The following CRYBB2 variants were observed in gnomAD, a reference collection of about 807,000 sequenced individuals.
CRYBB2 encodes beta-crystallin B2.
Under a neutral mutation model 24.3 loss-of-function variants are expected in CRYBB2, and 12 were observed. That is an observed-to-expected ratio of 0.49 (90% CI 0.32 to 0.80). The LOEUF is 0.80. CRYBB2 is among the 30% of genes least tolerant of loss of function. The probability of loss-of-function intolerance (pLI) is 0.04; values close to 1 mark genes in which losing one functional copy is unlikely to be tolerated. For synonymous variants in CRYBB2, 98 were observed against 101.6 expected, an observed-to-expected ratio of 0.96 and a Z score of 0.21; for missense variants, 198 against 268.5, an observed-to-expected ratio of 0.74 and a Z score of 1.83.
At chr22:25,215,293 A>G (rs942763499), upstream of CRYBB2, among the ~76,000 whole-genome samples, 5 of 152,272 alleles carry the variant, frequency 3.3e-5, no homozygotes, top group African/African-American at 1.2e-4. Flanking sequence ...ACCACAAACA[A>G]TAACATGAGC....
At chr22:25,215,238 C>A (rs1233873296), upstream of CRYBB2, among the ~76,000 whole-genome samples, 16 of 152,258 alleles carry the variant, frequency 1.1e-4, no homozygotes, top group Non-Finnish European at 5.9e-5. Context: ...GGGCAAGGAA[C>A]ACCTGGCCCG....
upstream of CRYBB2, among the ~76,000 whole-genome samples, chr22:25,219,135 G>C (rs2146085519): frequency 6.6e-6 from 1 of 152,298 alleles, no homozygotes; most frequent in South Asian, 2.1e-4. Flanking sequence ...CCTCCCAGGA[G>C]CTTTTCTGAA....
upstream of CRYBB2, among the ~76,000 whole-genome samples, chr22:25,211,683 G>A (rs1196359112): frequency 1.3e-5 from 2 of 152,160 alleles, no homozygotes; most frequent in African/African-American, 4.8e-5. Context: ...CAAATTGCTA[G>A]GATTACAGGC....
Position 25,231,776 on chromosome 22 carries a change from C to A in CRYBB2, c.*4C>A. On this transcript the variant is annotated 3_prime_UTR_variant, in exon 6 of 6. Transcript: ENST00000398215. ...TGCCTTCCACCCCTCCAACTAGTGCCCTCCCCACCATGCCTCCTTCCCAGG... is the reference window on the plus strand; with the variant it reads ...TGCCTTCCACCCCTCCAACTAGTGCACTCCCCACCATGCCTCCTTCCCAGG... 1 of 1,613,936 alleles carries A rather than the reference C, an allele frequency of 6.2e-7. No homozygotes were observed. Among genetic ancestry groups the A allele is most frequent in the Non-Finnish European group, 8.5e-7 (1 of 1,179,830 alleles).
chr22:25,213,215 T>A (rs947275154), intron 1 of CRYBB2: 11 of 152,214 alleles, frequency 7.2e-5, no homozygotes, highest in African/African-American at 2.7e-4. Flanking sequence ...TTGTTTCTGA[T>A]AGCTATGAGA....
chr22:25,230,753 G>A (rs1172351417), intron 5 of CRYBB2, among the ~76,000 whole-genome samples: 1 of 149,634 alleles, frequency 6.7e-6, no homozygotes, highest in Non-Finnish European at 1.5e-5. Flanking sequence ...GGTGCCCAGG[G>A]TGAAGGAGAT....
chr22:25,224,262 C>A (rs991319088), intron 2 of CRYBB2, among the ~76,000 whole-genome samples: 5 of 152,092 alleles, frequency 3.3e-5, no homozygotes, highest in Non-Finnish European at 1.5e-5. Flanking sequence ...CCCATGAGCC[C>A]CCTCCCTTGG....
At chr22:25,221,167 C>G (rs1353692392) in intron 1 of CRYBB2, among the ~76,000 whole-genome samples, 1 of 152,314 alleles carries the variant, frequency 6.6e-6, no homozygotes, top group Admixed American at 6.5e-5. Context: ...TATTACTGCT[C>G]TCTTTCTTTG....
chr22:25,230,159 T>A, intron 5 of CRYBB2, among the ~76,000 whole-genome samples: 1 of 151,698 alleles, frequency 6.6e-6, no homozygotes, highest in African/African-American at 2.4e-5. Flanking sequence ...AAGAACTTTT[T>A]TTTTTTTTTT....
At chr22:25,224,262 C>T (rs991319088) in intron 2 of CRYBB2, among the ~76,000 whole-genome samples, 1 of 152,092 alleles carries the variant, frequency 6.6e-6, no homozygotes, top group African/African-American at 2.4e-5. Flanking sequence ...CCCATGAGCC[C>T]CCTCCCTTGG....
chr22:25,221,610 C>G (rs989150407), intron 2 of CRYBB2, 127 bp downstream of exon 2: 1 of 700,636 alleles, frequency 1.4e-6, no homozygotes, highest in Non-Finnish European at 2.6e-6. Context: ...CTCTGGGACT[C>G]AGTCTCCTCT....
intron 3 of CRYBB2, among the ~76,000 whole-genome samples, chr22:25,227,046 G>A (rs2146091627): frequency 6.6e-6 from 1 of 152,250 alleles, no homozygotes; most frequent in East Asian, 1.9e-4. Flanking sequence ...TTCCAAAAGA[G>A]GACAATAAAC....
intron 5 of CRYBB2, 92 bp downstream of exon 5, chr22:25,229,670 T>C: frequency 4.5e-6 from 7 of 1,561,500 alleles, no homozygotes; most frequent in Non-Finnish European, 6.1e-6. Context: ...GCTGGTGATC[T>C]TGCACACATC....
At position 25,231,759 on chromosome 22, in the gene CRYBB2, A is replaced by G; in HGVS notation, c.605A>G (p.His202Arg). 1 of 1,613,630 alleles carries G rather than the reference A, an allele frequency of 6.2e-7. No individual in the cohort carries two copies. Among genetic ancestry groups the G allele is most frequent in the Non-Finnish European group, 8.5e-7 (1 of 1,179,864 alleles). The change falls in exon 6 of 6, where the codon CAC becomes CGC. Residue 202 changes from histidine (H) to arginine (R), a missense_variant. Transcript: ENST00000398215. Reference protein sequence around the residue: ...DMQWHQRGAFHPSN With the variant: ...DMQWHQRGAFRPSN Reference sequence around the variant, plus strand: ...CAGTGGCACCAACGTGGTGCCTTCCACCCCTCCAACTAGTGCCCTCCCCAC... The same window carrying G: ...CAGTGGCACCAACGTGGTGCCTTCCGCCCCTCCAACTAGTGCCCTCCCCAC...
chr22:25,226,373 G>A (rs1001321919), intron 3 of CRYBB2, among the ~76,000 whole-genome samples: 6 of 152,152 alleles, frequency 3.9e-5, no homozygotes, highest in African/African-American at 1.4e-4. Context: ...GAAGGGAGAT[G>A]CTTTAAAATG....
At chr22:25,223,580 G>C (rs987866178) in intron 2 of CRYBB2, among the ~76,000 whole-genome samples, 3 of 152,154 alleles carry the variant, frequency 2.0e-5, no homozygotes, top group African/African-American at 7.2e-5. Flanking sequence ...GTCAGTGACC[G>C]TAAAGGGCTG....
chr22:25,228,970 G>A (rs1348594244), intron 4 of CRYBB2, among the ~76,000 whole-genome samples: 1 of 151,530 alleles, frequency 6.6e-6, no homozygotes, highest in East Asian at 1.9e-4. Flanking sequence ...GTGTGTCCAT[G>A]TGTGTGTGCA....
chr22:25,212,648 G>A (rs12171004), exon 1 of CRYBB2: 3 of 152,112 alleles, frequency 2.0e-5, no homozygotes, highest in African/African-American at 7.2e-5. Flanking sequence ...CTCTGTAGAC[G>A]TTACAATGTT....
At chr22:25,218,750 A>G (rs1935238813), upstream of CRYBB2, among the ~76,000 whole-genome samples, 1 of 30,070 alleles carries the variant, frequency 3.3e-5, no homozygotes, top group East Asian at 1.6e-3. Context: ...AGAGAGAGAG[A>G]GAGAGAGAGA....
Sources: allele counts gnomAD v4.1 joint callset (sites outside exome capture counted in the v4.1 genomes callset), GRCh38; gene constraint gnomAD v4.1.1; transcripts MANE v1.5; gene names NCBI Gene and HGNC (gene_info 2026-07-23, HGNC 2026-07-21).